Variants in NFATC2 observed in about 807,000 individuals in gnomAD.
NFATC2 encodes the protein nuclear factor of activated T cells 2.
In NFATC2, 22 loss-of-function variants were observed where a neutral mutation model predicts 87.3. That is an observed-to-expected ratio of 0.25 (90% CI 0.18 to 0.36). The LOEUF (loss-of-function observed/expected upper bound fraction) is 0.36. Among genes scored for constraint, NFATC2 ranks in the 10% least tolerant of loss-of-function variants. NFATC2 has a pLI of 1.00. For missense variants in NFATC2, 1,149 were observed against 1,259.1 expected (o/e 0.91, Z 1.32); for synonymous variants, 565 against 542.2 (o/e 1.04, Z -0.58).
intron 5 of NFATC2, among the ~76,000 whole-genome samples, chr20:51,472,217 G>A (rs759073430): frequency 4.6e-5 from 7 of 152,050 alleles, no homozygotes; most frequent in African/African-American, 1.2e-4. Flanking sequence ...ATCGCACCAC[G>A]GCACTCCAGC....
intron 4 of NFATC2, among the ~76,000 whole-genome samples, chr20:51,474,757 C>T (rs985458092): frequency 3.3e-5 from 5 of 151,898 alleles, no homozygotes; most frequent in Non-Finnish European, 7.4e-5. Context: ...TTTTTTTAAC[C>T]CCAAAATGTG....
At position 51,523,278 on chromosome 20, in the gene NFATC2, C is replaced by T; in HGVS notation, c.963G>A (p.Lys321=). The T allele has an allele frequency of 6.2e-7, 1 of 1,613,810 alleles. No homozygotes were observed. The change falls in exon 2 of 11, where the codon AAG becomes AAA. Residue 321 remains lysine, a synonymous_variant. Coordinates refer to ENST00000371564, the MANE Select transcript of NFATC2 (RefSeq NM_012340.5). The surrounding 1 kb of genome is among the most constrained non-coding windows in gnomAD (Gnocchi z 6.9). ...AGGGGTCAGGGCTGGTCTTCCACAT[C>T]TTGGGGGGGATCCCACAAGGCGAGT... ...ATDSPCGIPP[K]MWKTSPDPSP... is the part of the protein sequence containing the mutation.
chr20:51,481,541 G>C lies in NFATC2; in HGVS notation c.1333-5881C>G, dbSNP rs538207890. Among the ~76,000 whole-genome samples the C allele has an allele frequency of 3.3e-5, 5 of 152,276 alleles. No individual in the cohort carries two copies. In the South Asian group the frequency reaches 1.0e-3, roughly 32 times the overall value. ...TGTAATTTCCCAGGCAGTTGAAAAG[G>C]TTCCAGGAAGAAGCAGTGCTTCTAG... On this transcript the variant is annotated intron_variant, in intron 3 of 10. Transcript: ENST00000371564.
intron 3 of NFATC2, among the ~76,000 whole-genome samples, chr20:51,490,107 G>T (rs922929336): frequency 6.6e-6 from 1 of 152,196 alleles, no homozygotes; most frequent in Non-Finnish European, 1.5e-5. Flanking sequence ...ATAATAGGGA[G>T]ATGCTATAAT....
chr20:51,546,677 T>A (rs567176189), upstream of NFATC2, among the ~76,000 whole-genome samples: 1 of 152,320 alleles, frequency 6.6e-6, no homozygotes, highest in South Asian at 2.1e-4. Context: ...GCCCAGGAAC[T>A]CAGCTCCCTT....
At chr20:51,450,901 G>A (rs1167906344) in intron 6 of NFATC2, among the ~76,000 whole-genome samples, 1 of 152,204 alleles carries the variant, frequency 6.6e-6, no homozygotes, top group Non-Finnish European at 1.5e-5. Context: ...CAAGAGAATA[G>A]AAGCTAGAGA....
At chr20:51,436,146 T>C (rs1983531661) in intron 6 of NFATC2, among the ~76,000 whole-genome samples, 1 of 152,212 alleles carries the variant, frequency 6.6e-6, no homozygotes, top group African/African-American at 2.4e-5. Flanking sequence ...TTGGGTACTA[T>C]GCTCACTGCC....
chr20:51,555,566 C>T (rs146744429), intron 1 of NFATC2, among the ~76,000 whole-genome samples: 1,624 of 151,934 alleles, frequency 0.011, 30 homozygotes, highest in African/African-American at 0.036. Context: ...TGCACTCCAG[C>T]CTGGGCGACA....
chr20:51,441,631 C>T (rs1442111667), intron 6 of NFATC2, among the ~76,000 whole-genome samples: 1 of 149,524 alleles, frequency 6.7e-6, no homozygotes, highest in Non-Finnish European at 1.5e-5. Flanking sequence ...GCAGGAGAAT[C>T]GCTTGAACCG....
At chr20:51,474,675 C>T (rs1278614450) in intron 4 of NFATC2, among the ~76,000 whole-genome samples, 2 of 152,120 alleles carry the variant, frequency 1.3e-5, no homozygotes, top group East Asian at 3.9e-4. Flanking sequence ...GCCGAGGGGG[C>T]AGGATTCAGG....
At position 51,524,680 on chromosome 20, in the gene NFATC2, A is replaced by G. The variant is rs186863021; in HGVS notation, c.131-570T>C. Among the ~76,000 whole-genome samples the G allele has an allele frequency of 3.2e-4, 49 of 152,264 alleles. No homozygotes were observed. Among genetic ancestry groups the G allele is most frequent in the Admixed American group, 2.7e-3 (42 of 15,292 alleles). On this transcript the variant is annotated intron_variant, in intron 1 of 10. Coordinates refer to ENST00000371564, the MANE Select transcript of NFATC2 (RefSeq NM_012340.5). This position sits in a 1 kb window ranked among gnomAD's most constrained non-coding sequence, Gnocchi z 4.0. Reference sequence around the variant, plus strand: ...AGGCTGCGCAGACTCTGCAGCCCACAGTGCCCTGGGCTTCAATCCCAGATT... The same window carrying G: ...AGGCTGCGCAGACTCTGCAGCCCACGGTGCCCTGGGCTTCAATCCCAGATT...
chr20:51,466,222 T>G (rs973845251), intron 5 of NFATC2, among the ~76,000 whole-genome samples: 5 of 151,982 alleles, frequency 3.3e-5, no homozygotes, highest in Non-Finnish European at 5.9e-5. Context: ...CTGGCTAACT[T>G]TTGTATTTTT....
Position 51,498,858 on chromosome 20 carries a change from G to T in NFATC2, c.1332+17926C>A, listed in dbSNP as rs147424234. On this transcript the variant is annotated intron_variant, in intron 3 of 10. Transcript: ENST00000371564. Reference sequence around the variant, plus strand: ...GGGATCTATTTTGGTAGGAGAATCAGGGGAAGCTGCTTTGAGGAGGTGACA... The same window carrying T: ...GGGATCTATTTTGGTAGGAGAATCATGGGAAGCTGCTTTGAGGAGGTGACA... Among the ~76,000 whole-genome samples the T allele has an allele frequency of 6.8e-3, 1,030 of 152,330 alleles. 16 individuals are homozygous for T. The highest frequency in any genetic ancestry group is 7.0e-3 in the Non-Finnish European group (478 of 68,032).
At chr20:51,496,099 TG>T (rs1384500749) in intron 3 of NFATC2, among the ~76,000 whole-genome samples, 5 of 152,186 alleles carry the variant, frequency 3.3e-5, no homozygotes, top group Admixed American at 6.5e-5. Flanking sequence ...GTGAGGAATG[TG>T]GGTGTGTGAA....
chr20:51,480,625 CAT>C lies in NFATC2; in HGVS notation c.1333-4967_1333-4966del, dbSNP rs1268892330. 2.0e-5 allele frequency among the ~76,000 whole-genome samples: 3 copies of C among 152,178 alleles called. No homozygotes were observed. Among genetic ancestry groups the C allele is most frequent in the Non-Finnish European group, 4.4e-5 (3 of 68,028 alleles). ...ACAAAGTTTTTCACTTTGGGTCAGA[CAT>C]ATCTGAATTTCGATGCCAGCTCTGC... On this transcript the variant is annotated intron_variant, in intron 3 of 10. Coordinates refer to ENST00000371564, the MANE Select transcript of NFATC2 (RefSeq NM_012340.5). This position sits in a 1 kb window ranked among gnomAD's most constrained non-coding sequence, Gnocchi z 4.2.
At chr20:51,504,909 G>C (rs1427588251) in intron 3 of NFATC2, among the ~76,000 whole-genome samples, 1 of 151,602 alleles carries the variant, frequency 6.6e-6, no homozygotes, top group East Asian at 1.9e-4. Context: ...GAGCTCAAGT[G>C]TGCAGGCGCA....
At chr20:51,494,074 G>A (rs946815201) in intron 3 of NFATC2, among the ~76,000 whole-genome samples, 7 of 152,118 alleles carry the variant, frequency 4.6e-5, no homozygotes, top group Middle Eastern at 3.4e-3. Context: ...TACCATCATC[G>A]CCACCATCGT....
intron 9 of NFATC2, among the ~76,000 whole-genome samples, chr20:51,425,990 G>A (rs1981762104): frequency 6.6e-6 from 1 of 152,148 alleles, no homozygotes; most frequent in South Asian, 2.1e-4. Flanking sequence ...CACATCCTGA[G>A]GTCCCCTGGA....
intron 3 of NFATC2, 101 bp from the exon 4 acceptor site, chr20:51,475,761 T>C (rs1988660834): frequency 1.8e-6 from 2 of 1,118,646 alleles, no homozygotes; most frequent in African/African-American, 1.6e-5. Context: ...AGAGAGACTA[T>C]GGGATTTCTG....
Sources: gnomAD v4.1 joint callset for allele counts (sites outside exome capture counted in the v4.1 genomes callset) on GRCh38, gnomAD v4.1.1 for gene constraint, Gnocchi (gnomAD v3.1) non-coding constraint, MANE v1.5 for transcripts, NCBI Gene and HGNC (gene_info 2026-07-23, HGNC 2026-07-21) for gene names.